Variants in MEIKIN observed in about 807,000 individuals in gnomAD.
The protein encoded by MEIKIN is meiotic kinetochore factor.
intron 9 of MEIKIN, among the ~76,000 whole-genome samples, chr5:131,863,472 G>C (rs2149620513): frequency 6.6e-6 from 1 of 150,728 alleles, no homozygotes; most frequent in Middle Eastern, 3.5e-3. Flanking sequence ...TCTGAGTGCA[G>C]CATTGTTGGG....
chr5:131,888,590 A>G (rs1338776742), intron 8 of MEIKIN, among the ~76,000 whole-genome samples: 353 of 147,940 alleles, frequency 2.4e-3, no homozygotes, highest in African/African-American at 4.0e-3. Context: ...GTTTGAGTTC[A>G]TTGTAGATTC....
At chr5:131,940,109 T>C (rs925064926) in intron 4 of MEIKIN, among the ~76,000 whole-genome samples, 25 of 152,156 alleles carry the variant, frequency 1.6e-4, no homozygotes, top group African/African-American at 6.0e-4. Flanking sequence ...TTTTAAGTCT[T>C]TTGACAGAAG....
intron 4 of MEIKIN, among the ~76,000 whole-genome samples, chr5:131,939,398 T>C (rs1305230799): frequency 6.6e-6 from 1 of 151,912 alleles, no homozygotes; most frequent in Non-Finnish European, 1.5e-5. Context: ...ATCTGTTAGG[T>C]CAATTATAAT....
intron 9 of MEIKIN, among the ~76,000 whole-genome samples, chr5:131,856,997 T>C (rs960176472): frequency 6.6e-6 from 1 of 151,794 alleles, no homozygotes; most frequent in African/African-American, 2.4e-5. Context: ...AGGGTACATG[T>C]GCACAACGTG....
intron 8 of MEIKIN, among the ~76,000 whole-genome samples, chr5:131,894,609 A>C (rs1230871582): frequency 1.3e-5 from 2 of 152,086 alleles, no homozygotes; most frequent in East Asian, 1.9e-4. Flanking sequence ...TGAAGAGGTC[A>C]TTTGCATCCC....
intron 9 of MEIKIN, among the ~76,000 whole-genome samples, chr5:131,863,273 T>C (rs1750318830): frequency 6.6e-6 from 1 of 152,222 alleles, no homozygotes; most frequent in Non-Finnish European, 1.5e-5. Context: ...TCTGCAGTTG[T>C]TGGCTAAAAG....
At chr5:131,859,454 C>T (rs939133316) in intron 9 of MEIKIN, among the ~76,000 whole-genome samples, 3 of 152,198 alleles carry the variant, frequency 2.0e-5, no homozygotes, top group African/African-American at 7.2e-5. Context: ...CCCCTTAGTG[C>T]TGTTCTCTTG....
At chr5:131,912,454 G>C (rs1751347405) in intron 7 of MEIKIN, among the ~76,000 whole-genome samples, 1 of 151,816 alleles carries the variant, frequency 6.6e-6, no homozygotes, top group African/African-American at 2.4e-5. Context: ...TAAATGTGTA[G>C]GAAAGGACTA....
intron 10 of MEIKIN, among the ~76,000 whole-genome samples, chr5:131,854,110 A>C (rs1047856593): frequency 6.6e-6 from 1 of 152,234 alleles, no homozygotes; most frequent in Admixed American, 6.5e-5. Context: ...TCAATAGATG[A>C]ATGGATAAAC....
intron 9 of MEIKIN, among the ~76,000 whole-genome samples, chr5:131,855,798 C>A (rs2149616896): frequency 6.6e-6 from 1 of 152,174 alleles, no homozygotes; most frequent in Non-Finnish European, 1.5e-5. Context: ...GAGCTTGAGA[C>A]TGCAAGAGAG....
At chr5:131,926,453 G>C (rs1368809216) in intron 5 of MEIKIN, among the ~76,000 whole-genome samples, 1 of 152,058 alleles carries the variant, frequency 6.6e-6, no homozygotes, top group African/African-American at 2.4e-5. Context: ...TTTTGTTGAG[G>C]ATTTTTACAT....
At chr5:131,822,378 C>T (rs542534599) in intron 11 of MEIKIN, among the ~76,000 whole-genome samples, 16 of 151,642 alleles carry the variant, frequency 1.1e-4, no homozygotes, top group Non-Finnish European at 1.5e-4. Flanking sequence ...TTCTTTCCTT[C>T]CTTTCTGTTT....
chr5:131,849,189 G>T (rs1371216471), intron 11 of MEIKIN, among the ~76,000 whole-genome samples: 4 of 152,058 alleles, frequency 2.6e-5, no homozygotes, highest in Non-Finnish European at 4.4e-5. Context: ...GTACTTCACA[G>T]GGGTGGTCCC....
At chr5:131,826,400 G>A (rs997128936) in intron 11 of MEIKIN, among the ~76,000 whole-genome samples, 1 of 152,066 alleles carries the variant, frequency 6.6e-6, no homozygotes, top group African/African-American at 2.4e-5. Flanking sequence ...CCAAAATACT[G>A]TAAAACAAAA....
chr5:131,822,971 T>C (rs1749546225), intron 11 of MEIKIN, among the ~76,000 whole-genome samples: 1 of 149,878 alleles, frequency 6.7e-6, no homozygotes, highest in Non-Finnish European at 1.5e-5. Flanking sequence ...TATACTATTC[T>C]AGGGTAAAAG....
rs200865616 is a variant in MEIKIN, at chr5:131,873,550, G to A, written c.774+5428C>T. ...CTTAGACTCCCACACAATAATAATG[G>A]GAGACTTTAACACCCCACTGTCAAC... On this transcript the variant is annotated intron_variant, in intron 9 of 12. Coordinates refer to ENST00000442687, the MANE Select transcript of MEIKIN (RefSeq NM_001303622.2). Among the ~76,000 whole-genome samples the A allele has an allele frequency of 3.3e-5, 5 of 152,002 alleles. No individual in the cohort carries two copies. The East Asian group carries it at 9.6e-4, about 29-fold the overall frequency.
chr5:131,937,370 C>T (rs1374814631), intron 4 of MEIKIN, among the ~76,000 whole-genome samples: 1 of 152,112 alleles, frequency 6.6e-6, no homozygotes, highest in Admixed American at 6.5e-5. Flanking sequence ...CTTCCCACCT[C>T]ACCTCTGGGT....
chr5:131,883,809 T>TC (rs1046564801), intron 8 of MEIKIN, among the ~76,000 whole-genome samples: 1 of 152,000 alleles, frequency 6.6e-6, no homozygotes, highest in Non-Finnish European at 1.5e-5. Context: ...ACCTCCTTCA[T>TC]CCCCCCACAG....
intron 9 of MEIKIN, among the ~76,000 whole-genome samples, chr5:131,869,110 G>C (rs576005471): frequency 2.0e-5 from 3 of 152,252 alleles, no homozygotes; most frequent in African/African-American, 7.2e-5. Flanking sequence ...TTACAGTTTT[G>C]CATTTTACAT....
Sources: allele counts gnomAD v4.1 joint callset (sites outside exome capture counted in the v4.1 genomes callset), GRCh38; gene constraint gnomAD v4.1.1; transcripts MANE v1.5; gene names NCBI Gene and HGNC (gene_info 2026-07-23, HGNC 2026-07-21).